The following FREM3 variants were observed in gnomAD, a reference collection of about 807,000 sequenced individuals.
FREM3 encodes FRAS1 related extracellular matrix 3, also known as FRAS1-related extracellular matrix protein 3.
A neutral mutation model predicts 129.1 loss-of-function variants in FREM3; 105 were observed. The observed-to-expected ratio is 0.81, with a 90% CI of 0.69 to 0.96. FREM3 has a LOEUF of 0.96. Among genes scored for constraint, FREM3 ranks in the 40% least tolerant of loss-of-function variants. The probability of loss-of-function intolerance (pLI) is 0.00; values close to 1 mark genes in which losing one functional copy is unlikely to be tolerated. For synonymous variants in FREM3, 1,014 were observed against 1,044.9 expected (o/e 0.97, Z 0.57); for missense variants, 2,593 against 2,666.3 (o/e 0.97, Z 0.61).
At chr4:143,633,228 C>T (rs773652977) in intron 2 of FREM3, among the ~76,000 whole-genome samples, 1 of 152,128 alleles carries the variant, frequency 6.6e-6, no homozygotes, top group African/African-American at 2.4e-5. Flanking sequence ...GTCATTCTGT[C>T]TCTCTGGCAT....
At chr4:143,689,457 A>G (rs1389373293) in intron 2 of FREM3, among the ~76,000 whole-genome samples, 4 of 152,196 alleles carry the variant, frequency 2.6e-5, no homozygotes, top group Non-Finnish European at 1.5e-5. Flanking sequence ...TACAGCCACT[A>G]CAGAAAATAG....
chr4:143,678,743 G>A (rs893826330), intron 2 of FREM3, among the ~76,000 whole-genome samples: 13 of 152,006 alleles, frequency 8.6e-5, no homozygotes, highest in African/African-American at 1.9e-4. Flanking sequence ...AGAGAAAAAT[G>A]CCTTTTATTA....
chr4:143,595,715 G>A (rs555628828), intron 6 of FREM3, among the ~76,000 whole-genome samples: 6 of 151,836 alleles, frequency 4.0e-5, no homozygotes, highest in Admixed American at 6.6e-5. Context: ...GTGAAACCCC[G>A]TCTCTACTAA....
chr4:143,661,341 G>A (rs1409265237), intron 2 of FREM3, among the ~76,000 whole-genome samples: 1 of 152,188 alleles, frequency 6.6e-6, no homozygotes, highest in Non-Finnish European at 1.5e-5. Context: ...CATCTATTGA[G>A]ATAATCAAGT....
At chr4:143,672,547 G>C (rs573232172) in intron 2 of FREM3, among the ~76,000 whole-genome samples, 1 of 152,078 alleles carries the variant, frequency 6.6e-6, no homozygotes, top group Non-Finnish European at 1.5e-5. Context: ...TTTCAACTTT[G>C]GTGAATCTGA....
chr4:143,617,468 G>GGATTTGGCA (rs1738872899), intron 5 of FREM3, among the ~76,000 whole-genome samples: 1 of 152,166 alleles, frequency 6.6e-6, no homozygotes, highest in Non-Finnish European at 1.5e-5. Context: ...GGAAGACAGA[G>GGATTTGGCA]GATTTGGCAG....
At chr4:143,685,662 T>C (rs1039802547) in intron 2 of FREM3, among the ~76,000 whole-genome samples, 2 of 152,230 alleles carry the variant, frequency 1.3e-5, no homozygotes, top group Non-Finnish European at 2.9e-5. Context: ...ACTGCAATAG[T>C]ACTTCACATT....
intron 4 of FREM3, among the ~76,000 whole-genome samples, chr4:143,622,403 C>CT (rs35835336): frequency 0.25 from 34,184 of 138,522 alleles, 5,115 homozygotes; most frequent in Non-Finnish European, 0.35. Flanking sequence ...TGGCAATCAT[C>CT]TTTTTTTTTT....
chr4:143,599,348 A>G (rs1738534230), intron 6 of FREM3, among the ~76,000 whole-genome samples: 2 of 152,190 alleles, frequency 1.3e-5, no homozygotes, highest in Non-Finnish European at 2.9e-5. Flanking sequence ...TGGAAATAAT[A>G]GGCTTCTCAG....
At chr4:143,595,260 A>G (rs1405208332) in intron 6 of FREM3, among the ~76,000 whole-genome samples, 3 of 152,238 alleles carry the variant, frequency 2.0e-5, no homozygotes, top group Admixed American at 6.5e-5. Context: ...TTCTAGAAAC[A>G]GACGGGTAGG....
chr4:143,699,509 A>G lies in FREM3; in HGVS notation c.1167T>C (p.Tyr389=), dbSNP rs1371850339. 1 of 1,537,252 alleles carries G rather than the reference A, an allele frequency of 6.5e-7. No individual in the cohort carries two copies. The highest frequency in any genetic ancestry group is 8.7e-7 in the Non-Finnish European group (1 of 1,146,906). Residue 389 remains tyrosine, a synonymous_variant, in exon 1 of 8, where the codon TAT becomes TAC. Transcript: ENST00000329798. This position sits in a 1 kb window ranked among gnomAD's most constrained non-coding sequence, Gnocchi z 4.2. ...QQELRELKIA[Y]QPPAENSHGE... ...CATGGGAGTTCTCTGCAGGGGGCTG[A>G]TAGGCAATCTTCAGCTCCCTCAGCT...
intron 2 of FREM3, among the ~76,000 whole-genome samples, chr4:143,673,401 G>C (rs1347050729): frequency 2.0e-5 from 3 of 152,210 alleles, no homozygotes; most frequent in Non-Finnish European, 4.4e-5. Flanking sequence ...AGGCTGCAGA[G>C]CAGCGAATAT....
chr4:143,699,932 A>G lies in FREM3; in HGVS notation c.744T>C (p.Ala248=). Reference sequence around the variant, plus strand: ...TGGCTGTGTGCTGATAGCGCACCCCAGCACGGAGGAAAGCCTCACAGTCTA... The same window carrying G: ...TGGCTGTGTGCTGATAGCGCACCCCGGCACGGAGGAAAGCCTCACAGTCTA... ...KGVDCEAFLR[A]GVRYQHTATS... Residue 248 remains alanine (A), a synonymous_variant, in exon 1 of 8, where the codon GCT becomes GCC. Transcript: ENST00000329798. This position sits in a 1 kb window ranked among gnomAD's most constrained non-coding sequence, Gnocchi z 4.2. 1 of 1,534,146 alleles carries G rather than the reference A, an allele frequency of 6.5e-7. No homozygotes were observed. Among genetic ancestry groups the G allele is most frequent in the Non-Finnish European group, 8.7e-7 (1 of 1,145,386 alleles).
intron 2 of FREM3, among the ~76,000 whole-genome samples, chr4:143,657,231 G>A (rs939354184): frequency 4.6e-5 from 7 of 152,146 alleles, no homozygotes; most frequent in African/African-American, 1.7e-4. Flanking sequence ...ATATGTACTT[G>A]TTTGTATAAT....
In FREM3 at chr4:143,592,565, G is replaced by T. The variant is rs143271192; in HGVS notation, c.6029-6572C>A. 2.7e-3 allele frequency among the ~76,000 whole-genome samples: 406 copies of T among 152,242 alleles called. 4 individuals carry two copies. Among genetic ancestry groups the T allele is most frequent in the African/African-American group, 8.6e-3 (358 of 41,538 alleles). The stretch of plus-strand genomic sequence containing the variant: ...CTTTTCTTTAAGATTGTTGAATATT[G>T]GCCCCCTCTCTCTTCTGGCTTGTAG... On this transcript the variant is annotated intron_variant, in intron 6 of 7. Transcript: ENST00000329798.
intron 2 of FREM3, among the ~76,000 whole-genome samples, chr4:143,684,529 C>G (rs759295650): frequency 2.6e-4 from 40 of 152,324 alleles, no homozygotes; most frequent in Middle Eastern, 3.4e-3. Context: ...TAGACCTTCC[C>G]TCTGACAGAG....
At chr4:143,649,407 C>T (rs565056152) in intron 2 of FREM3, 1 of 152,336 alleles carries the variant, frequency 6.6e-6, no homozygotes, top group South Asian at 2.1e-4. Flanking sequence ...GATCCCATTA[C>T]AGACTGCATA....
intron 2 of FREM3, among the ~76,000 whole-genome samples, chr4:143,662,005 A>C: frequency 6.6e-6 from 1 of 151,710 alleles, no homozygotes. Flanking sequence ...TCTTGCTAGC[A>C]GTCTATCAAT....
chr4:143,623,714 A>G (rs1738995135), intron 4 of FREM3, among the ~76,000 whole-genome samples: 1 of 152,152 alleles, frequency 6.6e-6, no homozygotes, highest in Non-Finnish European at 1.5e-5. Context: ...GTTGGCTGAT[A>G]TCCAGGAGCC....
Sources: allele counts gnomAD v4.1 joint callset (sites outside exome capture counted in the v4.1 genomes callset), GRCh38; gene constraint gnomAD v4.1.1; non-coding constraint Gnocchi (gnomAD v3.1); transcripts MANE v1.5; gene names NCBI Gene and HGNC (gene_info 2026-07-23, HGNC 2026-07-21).